Variants in CDK7 observed in about 807,000 individuals in gnomAD.
CDK7 encodes cyclin dependent kinase 7, also known as cyclin-dependent kinase 7.
In CDK7, 25 loss-of-function variants were observed where a neutral mutation model predicts 49.1. The ratio of observed to expected loss-of-function variants is 0.51; its 90% CI spans 0.37 to 0.71. The LOEUF (loss-of-function observed/expected upper bound fraction) is 0.71, where lower values mean the gene tolerates loss of function less well. Ranked by LOEUF, CDK7 falls within the 30% of genes least tolerant of loss-of-function variation. The pLI, the probability that CDK7 is intolerant of heterozygous loss-of-function variation, is 0.00. For synonymous variants in CDK7, 107 were observed against 140.0 expected (o/e 0.76, Z 1.67); for missense variants, 316 against 411.7 (o/e 0.77, Z 2.01).
At chr5:69,276,027 C>CT (rs905393838) in intron 10 of CDK7, among the ~76,000 whole-genome samples, 1 of 151,984 alleles carries the variant, frequency 6.6e-6, no homozygotes, top group Admixed American at 6.6e-5. Context: ...AGAAGGGAGT[C>CT]TTTTTTTCTT....
chr5:69,237,121 C>G (rs1338972913), intron 2 of CDK7, among the ~76,000 whole-genome samples: 1 of 151,860 alleles, frequency 6.6e-6, no homozygotes, highest in Non-Finnish European at 1.5e-5. Context: ...AGGAGGAGGT[C>G]TCACTCTGTC....
intron 3 of CDK7, among the ~76,000 whole-genome samples, chr5:69,254,271 C>T (rs981819253): frequency 1.3e-5 from 2 of 152,034 alleles, no homozygotes; most frequent in Admixed American, 1.3e-4. Flanking sequence ...CGCCTGTAAT[C>T]CCAGCACTTC....
At chr5:69,257,625 A>G (rs551356431) in intron 5 of CDK7, among the ~76,000 whole-genome samples, 9 of 152,290 alleles carry the variant, frequency 5.9e-5, no homozygotes, top group African/African-American at 1.7e-4. Context: ...CCCTGAACCA[A>G]TCACTTGGCC....
chr5:69,255,736 G>A, intron 5 of CDK7: 1 of 556,210 alleles, frequency 1.8e-6, no homozygotes. Context: ...CAAAGATTTG[G>A]ATTTCATTGG....
At chr5:69,259,107 C>T (rs1750666769) in intron 6 of CDK7, among the ~76,000 whole-genome samples, 1 of 151,138 alleles carries the variant, frequency 6.6e-6, no homozygotes, top group Non-Finnish European at 1.5e-5. Context: ...GGTCTTTTGG[C>T]TTTAAGTTCA....
chr5:69,269,383 A>G, intron 9 of CDK7, 90 bp downstream of exon 9: 1 of 776,746 alleles, frequency 1.3e-6, no homozygotes, highest in Non-Finnish European at 2.1e-6. Flanking sequence ...TGTCACGTGA[A>G]TATTAAAGAC....
chr5:69,251,114 T>C (rs933836869), intron 2 of CDK7, among the ~76,000 whole-genome samples: 18 of 150,896 alleles, frequency 1.2e-4, no homozygotes, highest in Admixed American at 2.6e-4. Flanking sequence ...TTTTTTTTTT[T>C]CGAGACAGAG....
At position 69,276,825 on chromosome 5, in the gene CDK7, A is replaced by C. The variant is rs903588651; in HGVS notation, c.1012+135A>C. 22 of 822,048 alleles carry C rather than the reference A, an allele frequency of 2.7e-5. No homozygotes were observed. The African/African-American group carries it at 3.5e-4, about 13-fold the overall frequency. 50.9% of individuals were successfully genotyped at this position (822,048 alleles called of 1,614,324 possible). A position where few individuals can be genotyped will look rare whatever the true frequency, so the allele number is the denominator to read the frequency against. ...AATTTTTATAAATTTAATTGTATAA[A>C]GTAGAGAGACTGTGCCGTTTTAGGT... On this transcript the variant is annotated intron_variant, in intron 11 of 11. Coordinates refer to ENST00000256443, the MANE Select transcript of CDK7 (RefSeq NM_001799.4).
chr5:69,261,055 C>T (rs1449465915), intron 7 of CDK7, among the ~76,000 whole-genome samples: 3 of 152,052 alleles, frequency 2.0e-5, no homozygotes, highest in Non-Finnish European at 4.4e-5. Context: ...TGCACTCAAG[C>T]GATCCTCCCA....
intron 5 of CDK7, among the ~76,000 whole-genome samples, chr5:69,256,310 G>A (rs1410319899): frequency 1.3e-5 from 2 of 152,016 alleles, no homozygotes; most frequent in African/African-American, 4.8e-5. Flanking sequence ...TATAATCAGA[G>A]TAATGTCATT....
intron 9 of CDK7, among the ~76,000 whole-genome samples, chr5:69,271,457 T>A (rs1751528131): frequency 6.6e-6 from 1 of 152,042 alleles, no homozygotes; most frequent in Admixed American, 6.6e-5. Context: ...ATCCTTTTGG[T>A]GTCAAGTCAA....
rs541494309 is a variant in CDK7, at chr5:69,240,425, T to C, written c.126+4972T>C. On this transcript the variant is annotated intron_variant, in intron 2 of 11. Transcript: ENST00000256443. ...AGAATGTCTGTATTTTAGAGATGCT[T>C]ACTTAAGTACGTTGGAGTGAAATGA... Among the ~76,000 whole-genome samples the C allele has an allele frequency of 3.3e-5, 5 of 152,334 alleles. No homozygotes were observed. The South Asian group carries it at 8.3e-4, about 25-fold the overall frequency.
chr5:69,265,277 A>C (rs1249479670), intron 8 of CDK7, among the ~76,000 whole-genome samples: 1 of 152,142 alleles, frequency 6.6e-6, no homozygotes, highest in Non-Finnish European at 1.5e-5. Flanking sequence ...AAAATAAAAA[A>C]AAAAATGAGT....
At chr5:69,270,064 TCC>T (rs1751428259) in intron 9 of CDK7, among the ~76,000 whole-genome samples, 2 of 107,160 alleles carry the variant, frequency 1.9e-5, no homozygotes, top group African/African-American at 3.4e-5. Context: ...AGACTCTGTC[TCC>T]AAAAAAAAAA....
intron 2 of CDK7, 91 bp from the exon 3 acceptor site, chr5:69,252,327 C>A: frequency 1.3e-6 from 1 of 786,978 alleles, no homozygotes; most frequent in Non-Finnish European, 2.1e-6. Flanking sequence ...TTTTCTGTGG[C>A]GAAGTATTTG....
rs2932786 is a variant in CDK7 at position 69,248,716 on chromosome 5, A to G, written c.127-3702A>G. Among the ~76,000 whole-genome samples the G allele has an allele frequency of 0.019, 2,809 of 151,404 alleles. 133 individuals carry two copies. In the East Asian group the frequency reaches 0.2, roughly 11 times the overall value. On this transcript the variant is annotated intron_variant, in intron 2 of 11. Coordinates refer to ENST00000256443, the MANE Select transcript of CDK7 (RefSeq NM_001799.4). ...GATCCTTTCTTATTCCTTGACTTTT[A>G]GAGTTTGATTATTAAATATGTTGAG... is the stretch of plus-strand genomic sequence containing the variant.
chr5:69,255,139 A>G (rs1271726947), intron 4 of CDK7, among the ~76,000 whole-genome samples: 1 of 152,208 alleles, frequency 6.6e-6, no homozygotes, highest in African/African-American at 2.4e-5. Flanking sequence ...ATTTCTTAAG[A>G]ATCACATTTG....
rs7710266 is a variant in CDK7 at position 69,244,504 on chromosome 5, C to T, written c.127-7914C>T. Among the ~76,000 whole-genome samples the T allele has an allele frequency of 4.8e-3, 731 of 151,950 alleles. 11 individuals are homozygous for T. The highest frequency in any genetic ancestry group is 0.017 in the African/African-American group (698 of 41,412). On this transcript the variant is annotated intron_variant, in intron 2 of 11. Coordinates refer to ENST00000256443, the MANE Select transcript of CDK7 (RefSeq NM_001799.4). ...AAAAAAAATTAGCCAGGCATGATGG[C>T]GCATGCCTGTAATCCCAGCTACTTG...
At chr5:69,240,713 C>T (rs575445490) in intron 2 of CDK7, among the ~76,000 whole-genome samples, 1 of 152,146 alleles carries the variant, frequency 6.6e-6, no homozygotes, top group African/African-American at 2.4e-5. Flanking sequence ...CTGCAACCCC[C>T]GCCTCCCAGG....
Sources: allele counts gnomAD v4.1 joint callset (sites outside exome capture counted in the v4.1 genomes callset), GRCh38; gene constraint gnomAD v4.1.1; transcripts MANE v1.5; gene names NCBI Gene and HGNC (gene_info 2026-07-23, HGNC 2026-07-21).